The following GLS variants were observed in gnomAD, a reference collection of about 807,000 sequenced individuals.
The protein encoded by GLS is glutaminase kidney isoform, mitochondrial.
Under a neutral mutation model 86.7 loss-of-function variants are expected in GLS, and 36 were observed. The observed-to-expected ratio is 0.42, with a 90% confidence interval of 0.32 to 0.55. The LOEUF (loss-of-function observed/expected upper bound fraction) is 0.55. Ranked by LOEUF, GLS falls within the 20% of genes least tolerant of loss-of-function variation. The pLI is 0.17. For missense variants in GLS, 528 were observed against 833.4 expected (o/e 0.63, Z 4.51); for synonymous variants, 317 against 305.9 (o/e 1.04, Z -0.38).
Position 190,954,848 on chromosome 2 carries a change from T to A in GLS, c.1853+30T>A. On this transcript the variant is annotated intron_variant, in intron 17 of 17. Coordinates refer to ENST00000320717, the MANE Select transcript of GLS (RefSeq NM_014905.5). This position sits in a 1 kb window ranked among gnomAD's most constrained non-coding sequence, Gnocchi z 4.0. ...GCACTTATGTTACCTTCTAAATATGTCAGTATTTTATTATGCAGGACTGTA... is the reference window on the plus strand; with the variant it reads ...GCACTTATGTTACCTTCTAAATATGACAGTATTTTATTATGCAGGACTGTA... 7.1e-7 allele frequency: 1 copy of A among 1,406,662 alleles called. No homozygotes were observed. The highest frequency in any genetic ancestry group is 9.9e-7 in the Non-Finnish European group (1 of 1,007,402). The allele number at this position is 1,406,662 out of a possible 1,614,324, so 87.1% of individuals were successfully genotyped here. A position where few individuals can be genotyped will look rare whatever the true frequency, so the allele number is the denominator to read the frequency against.
In GLS at chr2:190,913,076, C is replaced by G; in HGVS notation, c.1038+2755C>G. ...TTTCTTTCAAAATTCAGGAATTTAT[C>G]ATGGTGCCATTAAAATCATTTTCTT... On this transcript the variant is annotated intron_variant, in intron 7 of 17. Transcript: ENST00000320717. The surrounding 1 kb of genome is among the most constrained non-coding windows in gnomAD (Gnocchi z 6.1). The G allele has an allele frequency of 1.2e-6, 1 of 839,846 alleles. No homozygotes were observed. Among genetic ancestry groups the G allele is most frequent in the South Asian group, 1.5e-5 (1 of 68,494 alleles). The allele number at this position is 839,846 out of a possible 1,614,324, so 52.0% of individuals were successfully genotyped here.
rs891215894 is a variant in GLS, at chr2:190,955,546, A to G, written c.1853+728A>G. Among the ~76,000 whole-genome samples, 1 of 152,176 alleles carries G rather than the reference A, an allele frequency of 6.6e-6. No individual in the cohort carries two copies. ...TCTATTATCGATGGTCATTTGGGTT[A>G]GTTCCAAGTCTTTTCTATTGTGAAC... On this transcript the variant is annotated intron_variant, in intron 17 of 17. Coordinates refer to ENST00000320717, the MANE Select transcript of GLS (RefSeq NM_014905.5). This position sits in a 1 kb window ranked among gnomAD's most constrained non-coding sequence, Gnocchi z 5.6.
rs1429236878 is a variant in GLS at position 190,951,227 on chromosome 2, C to T, written c.1651-2338C>T. ...TGATGGAGCAGCATGGAAGGCAAGT[C>T]GTGAGAGGGTGGAGGGTGCTGGGGG... On this transcript the variant is annotated intron_variant, in intron 14 of 17. Transcript: ENST00000320717. The surrounding 1 kb of genome is among the most constrained non-coding windows in gnomAD (Gnocchi z 4.2). Among the ~76,000 whole-genome samples the T allele has an allele frequency of 6.6e-6, 1 of 151,966 alleles. No individual in the cohort carries two copies. Among genetic ancestry groups the T allele is most frequent in the Non-Finnish European group, 1.5e-5 (1 of 67,992 alleles).
At position 190,956,681 on chromosome 2, in the gene GLS, A is replaced by C. The variant is rs1480348795; in HGVS notation, c.1853+1863A>C. 6.6e-6 allele frequency among the ~76,000 whole-genome samples: 1 copy of C among 152,132 alleles called. No homozygotes were observed. Among genetic ancestry groups the C allele is most frequent in the Admixed American group, 6.5e-5 (1 of 15,272 alleles). On this transcript the variant is annotated intron_variant, in intron 17 of 17. Coordinates refer to ENST00000320717, the MANE Select transcript of GLS (RefSeq NM_014905.5). This position sits in a 1 kb window ranked among gnomAD's most constrained non-coding sequence, Gnocchi z 4.2. ...TTATGGGGATAGCATAGAACCTATA[A>C]ATTACTTTGGGTTGTATGGCCATTT...
Position 190,962,285 on chromosome 2 carries a change from G to C in GLS, c.1854-545G>C, listed in dbSNP as rs11692579. On this transcript the variant is annotated intron_variant, in intron 17 of 17. Coordinates refer to ENST00000320717, the MANE Select transcript of GLS (RefSeq NM_014905.5). This position sits in a 1 kb window ranked among gnomAD's most constrained non-coding sequence, Gnocchi z 4.2. The stretch of plus-strand genomic sequence containing the variant: ...CCATGGCTTCCCAGCCTTACCAGAG[G>C]TGATAAAAATGTCAATTCCTTTGGG... 0.52 allele frequency among the ~76,000 whole-genome samples: 79,002 copies of C among 151,932 alleles called. 21,834 individuals carry two copies. The highest frequency in any genetic ancestry group is 0.62 in the Non-Finnish European group (42,082 of 67,944).
intron 14 of GLS, among the ~76,000 whole-genome samples, chr2:190,952,466 G>A (rs1206303688): frequency 3.9e-5 from 6 of 152,162 alleles, no homozygotes; most frequent in Non-Finnish European, 8.8e-5. Flanking sequence ...TTACGGACTA[G>A]TTTCTGCAAA....
At position 190,953,497 on chromosome 2, in the gene GLS, C is replaced by T; in HGVS notation, c.1651-68C>T. On this transcript the variant is annotated intron_variant, in intron 14 of 17. Transcript: ENST00000320717. The surrounding 1 kb of genome is among the most constrained non-coding windows in gnomAD (Gnocchi z 4.0). Reference sequence around the variant, plus strand: ...TTCAAAGCACATGGAAATCACTTGCCAGTGACAGGTGGACGTTGTATGTGT... The same window carrying T: ...TTCAAAGCACATGGAAATCACTTGCTAGTGACAGGTGGACGTTGTATGTGT... 2 of 1,015,772 alleles carry T rather than the reference C, an allele frequency of 2.0e-6. No homozygotes were observed. The highest frequency in any genetic ancestry group is 2.4e-5 in the East Asian group (1 of 42,128). The allele number at this position is 1,015,772 out of a possible 1,614,324, so 62.9% of individuals were successfully genotyped here.
At chr2:190,918,044 T>G (rs1410282753) in intron 7 of GLS, among the ~76,000 whole-genome samples, 4 of 152,158 alleles carry the variant, frequency 2.6e-5, no homozygotes, top group Non-Finnish European at 5.9e-5. Flanking sequence ...GCAGGGTAGA[T>G]TTAGCATAAT....
chr2:190,951,547 A>G lies in GLS; in HGVS notation c.1651-2018A>G, dbSNP rs1464054911. On this transcript the variant is annotated intron_variant, in intron 14 of 17. Transcript: ENST00000320717. The surrounding 1 kb of genome is among the most constrained non-coding windows in gnomAD (Gnocchi z 4.2). ...CTAGAGGATAAGTGTTTGAAGGAAT[A>G]GATAAAAAGTAGTCTCAAAAATGAG... 6.6e-6 allele frequency among the ~76,000 whole-genome samples: 1 copy of G among 152,230 alleles called. No homozygotes were observed. Among genetic ancestry groups the G allele is most frequent in the African/African-American group, 2.4e-5 (1 of 41,462 alleles).
Position 190,931,624 on chromosome 2 carries a change from G to A in GLS, c.1637G>A (p.Gly546Asp). The change falls in exon 14 of 18, where the codon GGT becomes GAT. Residue 546 changes from glycine (G) to aspartate (D), a missense_variant. Physicochemically the swap from Gly to Asp is moderately conservative, Grantham distance 94 (BLOSUM62 -1). Around this residue, in one of 4 missense-constraint regions of GLS, gnomAD observed 163 missense variants for 429.2 expected, o/e 0.38. Transcript: ENST00000320717. ...AAAAAACTTGATCCTCGAAGAGAAG[G>A]TGGTGATCAAAGGGTAAGCAAAATT... Reference protein sequence around the residue: ...FAKKLDPRREGGDQRVKSVIN... With the variant: ...FAKKLDPRREDGDQRVKSVIN... The A allele has an allele frequency of 1.3e-6, 2 of 1,549,756 alleles. No individual in the cohort carries two copies. Among genetic ancestry groups the A allele is most frequent in the Non-Finnish European group, 1.8e-6 (2 of 1,124,962 alleles).
Position 190,962,226 on chromosome 2 carries a change from G to C in GLS, c.1854-604G>C, listed in dbSNP as rs1691020948. Among the ~76,000 whole-genome samples, 1 of 152,186 alleles carries C rather than the reference G, an allele frequency of 6.6e-6. No homozygotes were observed. The highest frequency in any genetic ancestry group is 1.5e-5 in the Non-Finnish European group (1 of 68,038). On this transcript the variant is annotated intron_variant, in intron 17 of 17. Transcript: ENST00000320717. The surrounding 1 kb of genome is among the most constrained non-coding windows in gnomAD (Gnocchi z 4.2). ...AGGGGAGTTATTAGTATGGAAAGGG[G>C]AGTTACTCTTCTGGTGTAGTGGTCC... is the stretch of plus-strand genomic sequence containing the variant.
At chr2:190,898,684 T>C (rs1688833659) in intron 3 of GLS, among the ~76,000 whole-genome samples, 1 of 152,148 alleles carries the variant, frequency 6.6e-6, no homozygotes, top group Non-Finnish European at 1.5e-5. Context: ...CAGGCTGGAG[T>C]GCAATGGCGC....
chr2:190,884,637 A>G (rs552448849), intron 1 of GLS, among the ~76,000 whole-genome samples: 10 of 152,354 alleles, frequency 6.6e-5, no homozygotes, highest in African/African-American at 2.4e-4. Flanking sequence ...TCAGAGGGAT[A>G]GAGGTAAGGG....
rs1268010677 is a variant in GLS, at chr2:190,965,447, A to AAAACT, written c.*2463_*2467dup. 6.5e-6 allele frequency: 1 copy of AAAACT among 152,690 alleles called. No individual in the cohort carries two copies. The highest frequency in any genetic ancestry group is 1.5e-5 in the Non-Finnish European group (1 of 68,052). 9.5% of individuals were successfully genotyped at this position (152,690 alleles called of 1,614,324 possible). A position where few individuals can be genotyped will look rare whatever the true frequency, so the allele number is the denominator to read the frequency against. On this transcript the variant is annotated 3_prime_UTR_variant, in exon 18 of 18. Transcript: ENST00000320717. The surrounding 1 kb of genome is among the most constrained non-coding windows in gnomAD (Gnocchi z 5.0). ...AACCTCCCAAAGTGAATCTAATCTT[A>AAAACT]AAACTACAAGTTGTAAGTATTCTGA...
intron 12 of GLS, among the ~76,000 whole-genome samples, chr2:190,928,029 CAT>C (rs547416922): frequency 2.8e-4 from 42 of 151,958 alleles, no homozygotes; most frequent in Admixed American, 7.2e-4. Context: ...AATTTTCAAA[CAT>C]GTAAAACGAG....
In GLS at chr2:190,881,172, C is replaced by T. The variant is rs1164393883; in HGVS notation, c.88C>T (p.Pro30Ser). The change falls in exon 1 of 18, where the codon CCC becomes TCC. Residue 30 changes from proline (P) to serine (S), a missense_variant. By Grantham distance (74) the Pro-to-Ser change is moderately conservative (BLOSUM62 -1). This residue lies in a region of GLS where 224 missense variants were observed against 187.9 expected (regional missense o/e 1.19). Transcript: ENST00000320717. ...GVSATLRRAQ[P>S]LVTLCRRPRG... ...GAGCGCGACTCTGCGGCGGGCACAG[C>T]CCTTGGTCACCCTGTGCCGGCGTCC... 2.0e-6 allele frequency: 3 copies of T among 1,494,054 alleles called. No individual in the cohort carries two copies. The highest frequency in any genetic ancestry group is 2.7e-6 in the Non-Finnish European group (3 of 1,127,866). 92.5% of individuals were successfully genotyped at this position (1,494,054 alleles called of 1,614,324 possible).
At chr2:190,900,183 T>A (rs1688891897) in intron 3 of GLS, among the ~76,000 whole-genome samples, 2 of 152,154 alleles carry the variant, frequency 1.3e-5, no homozygotes. Flanking sequence ...GATTACTTGG[T>A]AAATAAACAA....
chr2:190,911,143 A>G (rs1689346328), intron 7 of GLS, among the ~76,000 whole-genome samples: 1 of 151,600 alleles, frequency 6.6e-6, no homozygotes, highest in Admixed American at 6.6e-5. Context: ...TCTTTGGTAA[A>G]TCTGTGCCTA....
chr2:190,906,548 A>G, intron 6 of GLS, among the ~76,000 whole-genome samples: 1 of 152,338 alleles, frequency 6.6e-6, no homozygotes, highest in East Asian at 1.9e-4. Flanking sequence ...TATAATAAGA[A>G]TAAAACATAA....
Sources: allele counts gnomAD v4.1 joint callset (sites outside exome capture counted in the v4.1 genomes callset), GRCh38; gene constraint gnomAD v4.1.1; regional missense constraint gnomAD v4.1.1; non-coding constraint Gnocchi (gnomAD v3.1); transcripts MANE v1.5; gene names NCBI Gene and HGNC (gene_info 2026-07-23, HGNC 2026-07-21).